ARHGEF10L: variants seen among roughly 807,000 people sequenced by gnomAD.
ARHGEF10L encodes the protein rho guanine nucleotide exchange factor 10-like protein.
ARHGEF10L carries 69 observed loss-of-function variants against 141.2 expected under a neutral mutation model. That is an observed-to-expected ratio of 0.49 (90% CI 0.40 to 0.60). The LOEUF (loss-of-function observed/expected upper bound fraction) is 0.60. ARHGEF10L is among the 20% of genes least tolerant of loss of function. ARHGEF10L has a pLI of 0.00. For synonymous variants in ARHGEF10L, 711 were observed against 718.5 expected (o/e 0.99, Z 0.17); for missense variants, 1,482 against 1,734.3 (o/e 0.85, Z 2.58).
chr1:17,598,774 T>TC (rs1243867909), intron 4 of ARHGEF10L, among the ~76,000 whole-genome samples: 66 of 140,824 alleles, frequency 4.7e-4, no homozygotes, highest in African/African-American at 8.7e-4. Context: ...TCTCTCTCTC[T>TC]TTTTTTTTTT....
chr1:17,596,379 G>A (rs1405606908), intron 4 of ARHGEF10L, among the ~76,000 whole-genome samples: 1 of 152,228 alleles, frequency 6.6e-6, no homozygotes, highest in Non-Finnish European at 1.5e-5. Context: ...CGGTGACACT[G>A]TGTGGGGCTG....
rs1021741627 is a variant in ARHGEF10L, at chr1:17,539,895, G to T, written c.-99G>T. Reference sequence around the variant, plus strand: ...CGGAGCTGGAGGCGCGGCGCCGGCCGCCAGGCGCCTTTGTGAGCGGCGCGG... The same window carrying T: ...CGGAGCTGGAGGCGCGGCGCCGGCCTCCAGGCGCCTTTGTGAGCGGCGCGG... On this transcript the variant is annotated 5_prime_UTR_variant, in exon 1 of 29. Transcript: ENST00000361221. The surrounding 1 kb of genome is among the most constrained non-coding windows in gnomAD (Gnocchi z 6.0). 1 of 150,490 alleles carries T rather than the reference G, an allele frequency of 6.6e-6. No homozygotes were observed. The highest frequency in any genetic ancestry group is 6.6e-5 in the Admixed American group (1 of 15,128). 9.3% of individuals were successfully genotyped at this position (150,490 alleles called of 1,614,324 possible). A position where few individuals can be genotyped will look rare whatever the true frequency, so the allele number is the denominator to read the frequency against.
chr1:17,588,344 T>G, intron 3 of ARHGEF10L, 102 bp from the exon 4 acceptor site: 1 of 1,341,726 alleles, frequency 7.5e-7, no homozygotes, highest in South Asian at 1.2e-5. Context: ...CCAGGCCCTG[T>G]CTGCGGCGCC....
chr1:17,550,573 GT>G (rs2077074422), intron 1 of ARHGEF10L, among the ~76,000 whole-genome samples: 1 of 151,774 alleles, frequency 6.6e-6, no homozygotes, highest in South Asian at 2.1e-4. Flanking sequence ...ACCCAGGAGG[GT>G]GGAGGTTGCA....
chr1:17,639,533 G>A lies in ARHGEF10L; in HGVS notation c.2172-669G>A, dbSNP rs1015969275. On this transcript the variant is annotated intron_variant, in intron 20 of 28. Transcript: ENST00000361221. The surrounding 1 kb of genome is among the most constrained non-coding windows in gnomAD (Gnocchi z 4.3). ...TGAATCTGCCGCCTCCCTGTTGAGT[G>A]GCCTGTCCGTCTCCCTTCCTCCATC... Among the ~76,000 whole-genome samples the A allele has an allele frequency of 1.3e-5, 2 of 151,982 alleles. No homozygotes were observed. The highest frequency in any genetic ancestry group is 2.1e-4 in the South Asian group (1 of 4,816).
At chr1:17,539,191 G>T (rs1463617076), upstream of ARHGEF10L, among the ~76,000 whole-genome samples, 1 of 152,178 alleles carries the variant, frequency 6.6e-6, no homozygotes, top group Non-Finnish European at 1.5e-5. The surrounding 1 kb of genome is among the most constrained non-coding windows in gnomAD (Gnocchi z 6.0). Flanking sequence ...TGGCTGCATG[G>T]CTGCAAGGTT....
intron 8 of ARHGEF10L, 60 bp downstream of exon 8, chr1:17,613,234 C>T (rs2059639521): frequency 1.4e-6 from 2 of 1,416,400 alleles, no homozygotes; most frequent in Non-Finnish European, 2.0e-6. Context: ...GCAGCTACCT[C>T]CAAGGGTTTT....
upstream of ARHGEF10L, among the ~76,000 whole-genome samples, chr1:17,536,560 A>T (rs1290171198): frequency 6.6e-6 from 1 of 152,172 alleles, no homozygotes; most frequent in Non-Finnish European, 1.5e-5. Context: ...ATACGTGAAG[A>T]TGTGGCCTGC....
chr1:17,647,761 A>G (rs997252539), intron 21 of ARHGEF10L, among the ~76,000 whole-genome samples: 2 of 151,904 alleles, frequency 1.3e-5, no homozygotes, highest in Admixed American at 6.6e-5. Context: ...AGAAGGGGCC[A>G]CTGTAGTCAG....
intron 25 of ARHGEF10L, among the ~76,000 whole-genome samples, chr1:17,662,479 C>A (rs2102140104): frequency 6.6e-6 from 1 of 152,326 alleles, no homozygotes; most frequent in Admixed American, 6.5e-5. Flanking sequence ...TGCCTGCTTC[C>A]CTTGGTGCTC....
rs1256824860 is a variant in ARHGEF10L, at chr1:17,602,144, G to C, written c.275G>C (p.Ser92Thr). The change falls in exon 5 of 29, where the codon AGC becomes ACC. Residue 92 changes from serine to threonine, a missense_variant. Coordinates refer to ENST00000361221, the MANE Select transcript of ARHGEF10L (RefSeq NM_018125.4). ...GCCCGCAGGGTGCCAGCCTGGGTGA[G>C]CAATGGGGATGCAGCGGACGCAGCC... ...PPGTGVPAWV[S>T]NGDAADAAFS... 6.3e-7 allele frequency: 1 copy of C among 1,576,304 alleles called. No individual in the cohort carries two copies. The highest frequency in any genetic ancestry group is 8.6e-7 in the Non-Finnish European group (1 of 1,160,762).
At chr1:17,570,112 A>G (rs2077932486) in intron 1 of ARHGEF10L, among the ~76,000 whole-genome samples, 1 of 152,092 alleles carries the variant, frequency 6.6e-6, no homozygotes, top group Non-Finnish European at 1.5e-5. Context: ...GGGACGAGGG[A>G]TTTCTGCATT....
intron 22 of ARHGEF10L, among the ~76,000 whole-genome samples, chr1:17,652,198 G>C: frequency 6.6e-6 from 1 of 152,220 alleles, no homozygotes; most frequent in South Asian, 2.1e-4. Context: ...CAGTGGATGA[G>C]GATGTGTTGG....
In ARHGEF10L at chr1:17,637,975, T is replaced by C; in HGVS notation, c.2015T>C (p.Leu672Pro). 1 of 1,597,286 alleles carries C rather than the reference T, an allele frequency of 6.3e-7. No individual in the cohort carries two copies. The highest frequency in any genetic ancestry group is 8.5e-7 in the Non-Finnish European group (1 of 1,171,768). Reference protein sequence around the residue: ...DLAVVEQITLLISTLHGTYQN... With the variant: ...DLAVVEQITLPISTLHGTYQN... The stretch of plus-strand genomic sequence containing the variant: ...GCCGTGGTGGAGCAGATCACGCTTC[T>C]CATCAGCACGCTGCACGGCACCTAC... Residue 672 changes from leucine to proline, a missense_variant, in exon 19 of 29, where the codon CTC becomes CCC. Leu to Pro is a moderately conservative substitution (Grantham distance 98, BLOSUM62 -3). Transcript: ENST00000361221.
chr1:17,556,361 CT>C (rs1232640813), intron 1 of ARHGEF10L, among the ~76,000 whole-genome samples: 1 of 151,974 alleles, frequency 6.6e-6, no homozygotes, highest in Non-Finnish European at 1.5e-5. Flanking sequence ...GTCATTCACC[CT>C]TTTATGACCT....
chr1:17,621,742 T>TGG lies in ARHGEF10L; in HGVS notation c.943-122_943-121insGG. ...GAAGAGTGGCCACCAGGCCCAGTGGTCCCAGGTGGGACCTGGGAGGGATGG... is the reference window on the plus strand; with the variant it reads ...GAAGAGTGGCCACCAGGCCCAGTGGTGGCCCAGGTGGGACCTGGGAGGGATGG... On this transcript the variant is annotated intron_variant, in intron 10 of 28. Transcript: ENST00000361221. This position sits in a 1 kb window ranked among gnomAD's most constrained non-coding sequence, Gnocchi z 4.1. 1.2e-6 allele frequency: 1 copy of TGG among 851,294 alleles called. No individual in the cohort carries two copies. Among genetic ancestry groups the TGG allele is most frequent in the Non-Finnish European group, 2.0e-6 (1 of 510,402 alleles). The allele number at this position is 851,294 out of a possible 1,614,324, so 52.7% of individuals were successfully genotyped here. A position where few individuals can be genotyped will look rare whatever the true frequency, so the allele number is the denominator to read the frequency against.
chr1:17,626,998 A>C (rs1481012468), intron 14 of ARHGEF10L, among the ~76,000 whole-genome samples: 2 of 152,218 alleles, frequency 1.3e-5, no homozygotes, highest in Non-Finnish European at 2.9e-5. Context: ...CATTTTGTTT[A>C]CGCGTTAGTC....
intron 25 of ARHGEF10L, among the ~76,000 whole-genome samples, chr1:17,658,257 A>G (rs1186658807): frequency 1.4e-4 from 21 of 152,190 alleles, no homozygotes; most frequent in Admixed American, 1.4e-3. Context: ...TTACTTCCCA[A>G]GGAGGTCATA....
At chr1:17,689,454 CCTCT>C (rs1221473956) in intron 27 of ARHGEF10L, among the ~76,000 whole-genome samples, 4 of 143,318 alleles carry the variant, frequency 2.8e-5, no homozygotes, top group Non-Finnish European at 4.6e-5. Context: ...CCTCCTTCCC[CCTCT>C]CTCCCTCCCT....
Sources: allele counts gnomAD v4.1 joint callset (sites outside exome capture counted in the v4.1 genomes callset), GRCh38; gene constraint gnomAD v4.1.1; non-coding constraint Gnocchi (gnomAD v3.1); transcripts MANE v1.5; gene names NCBI Gene and HGNC (gene_info 2026-07-23, HGNC 2026-07-21).